ITPR1: variants seen among roughly 807,000 people sequenced by gnomAD.
ITPR1 encodes the protein inositol 1,4,5-trisphosphate receptor type 1.
In ITPR1, 96 loss-of-function variants were observed where a neutral mutation model predicts 318.4. The ratio of observed to expected loss-of-function variants is 0.30; its 90% CI spans 0.26 to 0.36. The LOEUF is 0.36. Ranked by LOEUF, ITPR1 falls within the 10% of genes least tolerant of loss-of-function variation. The pLI, the probability that ITPR1 is intolerant of heterozygous loss-of-function variation, is 1.00. For missense variants in ITPR1, 2,440 were observed against 3,460.2 expected (o/e 0.71, Z 7.40); for synonymous variants, 1,312 against 1,289.9 (o/e 1.02, Z -0.37).
intron 10 of ITPR1, 115 bp from the exon 11 acceptor site, chr3:4,652,008 T>A (rs1417369800): frequency 1.2e-6 from 1 of 811,918 alleles, no homozygotes; most frequent in Admixed American, 2.2e-5. Context: ...AGATGCTGAT[T>A]TTCTTTTTCT....
At chr3:4,574,231 A>G (rs769030595) in intron 4 of ITPR1, among the ~76,000 whole-genome samples, 15 of 151,896 alleles carry the variant, frequency 9.9e-5, no homozygotes, top group Non-Finnish European at 4.4e-5. Flanking sequence ...CTTATTGAAA[A>G]AAAAATTCAG....
rs60989464 is a variant in ITPR1 at position 4,663,376 on chromosome 3, G to C, written c.1554+170G>C. 4.0e-3 allele frequency among the ~76,000 whole-genome samples: 614 copies of C among 152,196 alleles called. 10 individuals are homozygous for C. The highest frequency in any genetic ancestry group is 0.014 in the African/African-American group (582 of 41,528). ...TGATCGCATCACTGCCCTCCAGCCT[G>C]GGTGACAGAGAGAGAGCCTGTCTCA... On this transcript the variant is annotated intron_variant, in intron 16 of 61. Coordinates refer to ENST00000649015, the MANE Select transcript of ITPR1 (RefSeq NM_001378452.1).
chr3:4,521,887 C>T (rs1478766754), intron 4 of ITPR1, among the ~76,000 whole-genome samples: 3 of 151,968 alleles, frequency 2.0e-5, no homozygotes. Context: ...AAAACAAAAA[C>T]AAAAACAAAA....
At chr3:4,743,143 T>C (rs773133233) in intron 44 of ITPR1, among the ~76,000 whole-genome samples, 13 of 152,242 alleles carry the variant, frequency 8.5e-5, no homozygotes, top group Non-Finnish European at 1.8e-4. Context: ...CATTGTCTTG[T>C]CTGTCCTTTT....
intron 15 of ITPR1, 135 bp downstream of exon 15, chr3:4,662,377 T>A: frequency 1.5e-6 from 1 of 649,492 alleles, no homozygotes; most frequent in African/African-American, 1.9e-5. Flanking sequence ...ATGGGTGGCT[T>A]CAATGTGTAA....
chr3:4,824,093 T>C (rs1186666183), intron 60 of ITPR1, among the ~76,000 whole-genome samples: 1 of 152,204 alleles, frequency 6.6e-6, no homozygotes, highest in Non-Finnish European at 1.5e-5. Context: ...TAGGACAGCA[T>C]ATTCGTCGAC....
At chr3:4,516,142 C>T (rs1318581680) in intron 2 of ITPR1, among the ~76,000 whole-genome samples, 2 of 152,174 alleles carry the variant, frequency 1.3e-5, no homozygotes, top group African/African-American at 4.8e-5. Context: ...GTCACTGCCA[C>T]GTTCTTGGCT....
chr3:4,756,263 TG>T (rs1350935886), intron 44 of ITPR1, among the ~76,000 whole-genome samples: 2 of 152,206 alleles, frequency 1.3e-5, no homozygotes, highest in Non-Finnish European at 2.9e-5. Context: ...GAAGCAACGA[TG>T]TTTATCTCTG....
chr3:4,628,516 C>G (rs1022256175), intron 5 of ITPR1, among the ~76,000 whole-genome samples: 1 of 152,244 alleles, frequency 6.6e-6, no homozygotes, highest in South Asian at 2.1e-4. Context: ...CCCTGCATTC[C>G]GAGGCTAATC....
chr3:4,809,484 A>G (rs1354668862), intron 55 of ITPR1, among the ~76,000 whole-genome samples: 1 of 152,198 alleles, frequency 6.6e-6, no homozygotes, highest in African/African-American at 2.4e-5. Context: ...ATTATGGTCT[A>G]ATATTTTTGT....
intron 31 of ITPR1, among the ~76,000 whole-genome samples, chr3:4,688,843 G>C (rs1008295244): frequency 1.3e-5 from 2 of 152,186 alleles, no homozygotes; most frequent in African/African-American, 4.8e-5. Context: ...AAGTGAGATG[G>C]ATAAAGTAAG....
At chr3:4,686,576 C>T (rs56789299) in intron 30 of ITPR1, among the ~76,000 whole-genome samples, 4 of 152,092 alleles carry the variant, frequency 2.6e-5, no homozygotes, top group Non-Finnish European at 5.9e-5. Flanking sequence ...TACAGGTAAC[C>T]AGATGTGGTT....
At position 4,719,145 on chromosome 3, in the gene ITPR1, CA is replaced by C. The variant is rs574321192; in HGVS notation, c.5136+1747del. ...TTATGGAAAGATTCCACAGTTGGAG[CA>C]GGTGTGTTTGTAATTATACTCTAGG... On this transcript the variant is annotated intron_variant, in intron 40 of 61. Transcript: ENST00000649015. Among the ~76,000 whole-genome samples, 19 of 152,300 alleles carry C rather than the reference CA, an allele frequency of 1.2e-4. 1 individual carries two copies. In the South Asian group the frequency reaches 3.9e-3, roughly 32 times the overall value.
chr3:4,721,012 A>G (rs1328667926), intron 40 of ITPR1, among the ~76,000 whole-genome samples: 1 of 151,838 alleles, frequency 6.6e-6, no homozygotes, highest in Non-Finnish European at 1.5e-5. Flanking sequence ...AGTAATTGCC[A>G]ATAAATGCAG....
chr3:4,682,569 T>C (rs1174555602), intron 26 of ITPR1, among the ~76,000 whole-genome samples: 1 of 152,200 alleles, frequency 6.6e-6, no homozygotes, highest in Non-Finnish European at 1.5e-5. Flanking sequence ...CATTATGTAC[T>C]ATGATGGAAG....
rs752292471 is a variant in ITPR1 at position 4,733,125 on chromosome 3, A to G, written c.5258A>G (p.Tyr1753Cys). ...ALRQVLVNRY[Y>C]GNVRPSGRRE... The stretch of plus-strand genomic sequence containing the variant: ...AGGCAAGTTCTGGTCAACCGTTACT[A>G]TGGAAACGTCAGACCTTCGGGACGA... The change falls in exon 43 of 62, where the codon TAT becomes TGT. Residue 1753 changes from tyrosine to cysteine, a missense_variant. Around this residue, in one of 23 missense-constraint regions of ITPR1, gnomAD observed 166 missense variants for 143.7 expected, o/e 1.16. Coordinates refer to ENST00000649015, the MANE Select transcript of ITPR1 (RefSeq NM_001378452.1). The G allele has an allele frequency of 3.7e-6, 6 of 1,613,666 alleles. No individual in the cohort carries two copies. The highest frequency in any genetic ancestry group is 2.2e-5 in the East Asian group (1 of 44,890).
At chr3:4,808,505 T>A (rs1470217219) in intron 55 of ITPR1, among the ~76,000 whole-genome samples, 3 of 152,216 alleles carry the variant, frequency 2.0e-5, no homozygotes, top group Non-Finnish European at 4.4e-5. Flanking sequence ...CTACCTCAGT[T>A]CACTTTTAGG....
chr3:4,555,966 C>T (rs1251500757), intron 4 of ITPR1, among the ~76,000 whole-genome samples: 1 of 152,192 alleles, frequency 6.6e-6, no homozygotes, highest in Non-Finnish European at 1.5e-5. Flanking sequence ...GCTCCAGGGT[C>T]TGTGCTCGTA....
chr3:4,712,863 A>G (rs978621478), intron 39 of ITPR1, among the ~76,000 whole-genome samples: 3 of 152,264 alleles, frequency 2.0e-5, no homozygotes, highest in African/African-American at 7.2e-5. Context: ...TCTGTAAGCA[A>G]CAAGAGTTCC....
Sources: gnomAD v4.1 joint callset for allele counts (sites outside exome capture counted in the v4.1 genomes callset) on GRCh38, gnomAD v4.1.1 for gene constraint, gnomAD v4.1.1 regional missense constraint, MANE v1.5 for transcripts, NCBI Gene and HGNC (gene_info 2026-07-23, HGNC 2026-07-21) for gene names.